The following LZTS1 variants were observed in gnomAD, a reference collection of about 807,000 sequenced individuals.
The protein encoded by LZTS1 is leucine zipper tumor suppressor 1.
LZTS1 carries 31 observed loss-of-function variants against 45.8 expected under a neutral mutation model. That is an observed-to-expected ratio of 0.68 (90% CI 0.51 to 0.91). The LOEUF is 0.91. LZTS1 is among the 40% of genes least tolerant of loss of function. The pLI is 0.00. For missense variants in LZTS1, 821 were observed against 788.9 expected, an observed-to-expected ratio of 1.04 and a Z score of -0.49; for synonymous variants, 359 against 357.3, an observed-to-expected ratio of 1.00 and a Z score of -0.05.
chr8:20,249,631 A>C lies in LZTS1; in HGVS notation c.*91T>G. On this transcript the variant is annotated 3_prime_UTR_variant, in exon 4 of 4. Coordinates refer to ENST00000381569, the MANE Select transcript of LZTS1 (RefSeq NM_021020.5). ...TGTGTCCCAGGGAGTGGCGTCTCTC[A>C]GAGGGGTCTGAATTGCTGAGCAGGG... 2 of 1,475,928 alleles carry C rather than the reference A, an allele frequency of 1.4e-6. No homozygotes were observed. Among genetic ancestry groups the C allele is most frequent in the Non-Finnish European group, 1.8e-6 (2 of 1,103,760 alleles). The allele number at this position is 1,475,928 out of a possible 1,614,324, so 91.4% of individuals were successfully genotyped here.
In LZTS1 at chr8:20,303,936, C is replaced by A. The variant is rs557530763; in HGVS notation, c.-331G>T. On this transcript the variant is annotated 5_prime_UTR_variant, in exon 1 of 4. Coordinates refer to ENST00000381569, the MANE Select transcript of LZTS1 (RefSeq NM_021020.5). The stretch of plus-strand genomic sequence containing the variant: ...CCTCCCCGCCCGGCCGCTGCCAACC[C>A]GCCAGCTCCAGGCGCGCCGGCCTCT... 68 of 981,874 alleles carry A rather than the reference C, an allele frequency of 6.9e-5. No homozygotes were observed. In the East Asian group the frequency reaches 1.6e-3, roughly 23 times the overall value. The allele number at this position is 981,874 out of a possible 1,614,324, so 60.8% of individuals were successfully genotyped here.
At chr8:20,284,276 G>A (rs760270656) in intron 1 of LZTS1, among the ~76,000 whole-genome samples, 9 of 152,208 alleles carry the variant, frequency 5.9e-5, no homozygotes, top group Non-Finnish European at 8.8e-5. Flanking sequence ...TGTTGAAGAA[G>A]CACCGGCCAT....
intron 1 of LZTS1, among the ~76,000 whole-genome samples, chr8:20,275,119 T>C (rs1443494854): frequency 2.0e-5 from 3 of 152,050 alleles, no homozygotes; most frequent in East Asian, 1.9e-4. Flanking sequence ...GAAAGAATTA[T>C]GGTTGGGCGC....
At chr8:20,255,565 C>T (rs1030403367) in intron 1 of LZTS1, among the ~76,000 whole-genome samples, 1 of 152,212 alleles carries the variant, frequency 6.6e-6, no homozygotes, top group East Asian at 1.9e-4. Context: ...ACAGTCCCTG[C>T]ATTCCTGGAA....
chr8:20,253,307 G>A lies in LZTS1; in HGVS notation c.624C>T (p.Gly208=), dbSNP rs1027028571. The A allele has an allele frequency of 1.2e-6, 2 of 1,614,014 alleles. No individual in the cohort carries two copies. The change falls in exon 3 of 4, where the codon GGC becomes GGT. Residue 208 remains glycine, a synonymous_variant. Coordinates refer to ENST00000381569, the MANE Select transcript of LZTS1 (RefSeq NM_021020.5). ...TPVGPTSRFG[G]SAHNITQGIV... The stretch of plus-strand genomic sequence containing the variant: ...TGCCCTGGGTGATGTTGTGGGCGGA[G>A]CCCCCAAAACGGCTTGTGGGTCCCA...
At chr8:20,287,200 A>T (rs1054317651) in intron 1 of LZTS1, among the ~76,000 whole-genome samples, 1 of 140,660 alleles carries the variant, frequency 7.1e-6, no homozygotes, top group Non-Finnish European at 1.5e-5. Context: ...TCACTTGGAA[A>T]TGAGAGGCAG....
At chr8:20,252,189 G>C (rs1189042497) in intron 3 of LZTS1, among the ~76,000 whole-genome samples, 1 of 152,130 alleles carries the variant, frequency 6.6e-6, no homozygotes, top group Non-Finnish European at 1.5e-5. Context: ...CGTGTGACCG[G>C]GTGAGTGAGT....
rs184099726 is a variant in LZTS1 at position 20,254,870 on chromosome 8, G to T, written c.312C>A (p.Pro104=). The change falls in exon 2 of 4, where the codon CCC becomes CCA. Residue 104 remains proline, a synonymous_variant. Coordinates refer to ENST00000381569, the MANE Select transcript of LZTS1 (RefSeq NM_021020.5). ...AGVDFDPSTP[P]KLMPFSNQLE... ...GCTGATTGGAGAAGGGCATGAGCTT[G>T]GGGGGTGTGGACGGGTCAAAGTCCA... The T allele has an allele frequency of 3.7e-5, 59 of 1,612,932 alleles. No individual in the cohort carries two copies. The highest frequency in any genetic ancestry group is 4.7e-5 in the Non-Finnish European group (55 of 1,179,324).
intron 1 of LZTS1, among the ~76,000 whole-genome samples, chr8:20,270,006 G>A (rs1800440130): frequency 6.6e-6 from 1 of 152,194 alleles, no homozygotes; most frequent in Non-Finnish European, 1.5e-5. Flanking sequence ...CATTACAGAG[G>A]TACCCACCTC....
At chr8:20,302,637 T>C (rs1242711479) in intron 1 of LZTS1, among the ~76,000 whole-genome samples, 2 of 152,188 alleles carry the variant, frequency 1.3e-5, no homozygotes, top group East Asian at 3.9e-4. Flanking sequence ...GAGCAGCGCC[T>C]GCCCGGCATG....
At chr8:20,303,404 G>A (rs1414476363) in intron 1 of LZTS1, among the ~76,000 whole-genome samples, 1 of 152,112 alleles carries the variant, frequency 6.6e-6, no homozygotes, top group East Asian at 1.9e-4. Flanking sequence ...TCCGACACCA[G>A]TGTCACCTAA....
chr8:20,286,456 T>A (rs1800793350), intron 1 of LZTS1, among the ~76,000 whole-genome samples: 1 of 152,232 alleles, frequency 6.6e-6, no homozygotes, highest in African/African-American at 2.4e-5. Flanking sequence ...ATTAAATACC[T>A]ACCGCTAGGC....
chr8:20,271,069 T>C (rs1487818388), intron 1 of LZTS1, among the ~76,000 whole-genome samples: 4 of 152,078 alleles, frequency 2.6e-5, no homozygotes, highest in African/African-American at 9.7e-5. Context: ...TGTATTTTTG[T>C]GTGCTCAACA....
chr8:20,298,380 G>A (rs1023507174), intron 1 of LZTS1, among the ~76,000 whole-genome samples: 2 of 152,116 alleles, frequency 1.3e-5, no homozygotes, highest in African/African-American at 4.8e-5. Context: ...ACTTTCAAAG[G>A]CGCACTTGGT....
At chr8:20,270,799 CTGTGTG>C (rs1281545019) in intron 1 of LZTS1, among the ~76,000 whole-genome samples, 3 of 122,998 alleles carry the variant, frequency 2.4e-5, no homozygotes, top group African/African-American at 9.1e-5. Context: ...AGTGTGTCCT[CTGTGTG>C]TGTGTGTGTG....
chr8:20,281,540 C>T (rs1417012571), intron 1 of LZTS1, among the ~76,000 whole-genome samples: 2 of 152,174 alleles, frequency 1.3e-5, no homozygotes, highest in Non-Finnish European at 2.9e-5. Context: ...CATTGCACTC[C>T]AGCCTGGGCA....
intron 1 of LZTS1, among the ~76,000 whole-genome samples, chr8:20,293,460 A>G (rs902899557): frequency 7.9e-5 from 12 of 152,296 alleles, no homozygotes; most frequent in African/African-American, 2.6e-4. Context: ...TGTATCTTCC[A>G]TGAAGACTCG....
intron 2 of LZTS1, 44 bp from the exon 3 acceptor site, chr8:20,253,629 G>C (rs548077288): frequency 7.2e-7 from 1 of 1,394,524 alleles, no homozygotes; most frequent in Non-Finnish European, 9.4e-7. Context: ...TCCCCTGCGC[G>C]CGCATTGCAC....
At chr8:20,259,909 A>G (rs1563866340) in intron 1 of LZTS1, among the ~76,000 whole-genome samples, 1 of 144,580 alleles carries the variant, frequency 6.9e-6, no homozygotes, top group Non-Finnish European at 1.5e-5. Flanking sequence ...TTATTTTTAA[A>G]TTTTAGAAAC....
Sources: allele counts gnomAD v4.1 joint callset (sites outside exome capture counted in the v4.1 genomes callset), GRCh38; gene constraint gnomAD v4.1.1; transcripts MANE v1.5; gene names NCBI Gene and HGNC (gene_info 2026-07-23, HGNC 2026-07-21).